The following CLASP1 variants were observed in gnomAD, a reference collection of about 807,000 sequenced individuals.
The protein encoded by CLASP1 is CLIP-associating protein 1.
A neutral mutation model predicts 192.3 loss-of-function variants in CLASP1; 38 were observed. The observed-to-expected ratio is 0.20, with a 90% confidence interval of 0.15 to 0.26. CLASP1 has a LOEUF of 0.26. Among genes scored for constraint, CLASP1 ranks in the 10% least tolerant of loss-of-function variants. The pLI is 1.00. For synonymous variants in CLASP1, 691 were observed against 712.8 expected (o/e 0.97, Z 0.49); for missense variants, 1,433 against 1,932.5 (o/e 0.74, Z 4.85).
chr2:121,638,427 A>G (rs573288956), intron 1 of CLASP1, among the ~76,000 whole-genome samples: 1 of 152,292 alleles, frequency 6.6e-6, no homozygotes, highest in East Asian at 1.9e-4. Flanking sequence ...ATTGTTCCAG[A>G]AAGTTACAAC....
intron 2 of CLASP1, among the ~76,000 whole-genome samples, chr2:121,581,946 G>A (rs1004321813): frequency 1.2e-4 from 19 of 152,062 alleles, no homozygotes; most frequent in African/African-American, 4.6e-4. Flanking sequence ...ACTTTGGGAG[G>A]CCCAGGCGGG....
chr2:121,390,979 G>A (rs993951669), intron 30 of CLASP1, among the ~76,000 whole-genome samples: 6 of 151,834 alleles, frequency 4.0e-5, no homozygotes, highest in Admixed American at 6.6e-5. Context: ...CCACTGTGTC[G>A]GCCTAATATC....
intron 34 of CLASP1, among the ~76,000 whole-genome samples, chr2:121,371,195 T>C (rs1367533827): frequency 6.6e-6 from 1 of 151,220 alleles, no homozygotes; most frequent in Non-Finnish European, 1.5e-5. Context: ...TTTGGGCACA[T>C]ATTAAGTGTG....
chr2:121,556,809 T>C (rs770504917), intron 2 of CLASP1, among the ~76,000 whole-genome samples: 1 of 152,190 alleles, frequency 6.6e-6, no homozygotes. Flanking sequence ...ATGAACAACT[T>C]CTGACATGCA....
intron 2 of CLASP1, among the ~76,000 whole-genome samples, chr2:121,538,720 G>A (rs187712850): frequency 1.3e-5 from 2 of 151,408 alleles, no homozygotes; most frequent in African/African-American, 4.8e-5. Context: ...AGGAAGCAGA[G>A]GTTGCAGTGA....
At position 121,347,009 on chromosome 2, in the gene CLASP1, C is replaced by T. The variant is rs2063535426; in HGVS notation, c.4530+29G>A. The T allele has an allele frequency of 5.2e-6, 7 of 1,357,528 alleles. 1 individual carries two copies. Among genetic ancestry groups the T allele is most frequent in the South Asian group, 2.5e-5 (2 of 78,888 alleles). 84.1% of individuals were successfully genotyped at this position (1,357,528 alleles called of 1,614,324 possible). A position where few individuals can be genotyped will look rare whatever the true frequency, so the allele number is the denominator to read the frequency against. On this transcript the variant is annotated intron_variant, in intron 39 of 39. Coordinates refer to ENST00000263710, the Ensembl canonical transcript of CLASP1. ...GACAAGCTGGCAGAGCCCAGGTGTG[C>T]GTATCAGCCCAGGTAACACTATACA...
intron 6 of CLASP1, among the ~76,000 whole-genome samples, chr2:121,518,577 T>G (rs1423542476): frequency 6.6e-6 from 1 of 152,086 alleles, no homozygotes; most frequent in Non-Finnish European, 1.5e-5. Flanking sequence ...ATTTTTACAT[T>G]GAAAATGCGG....
intron 4 of CLASP1, among the ~76,000 whole-genome samples, chr2:121,528,141 AG>A (rs1250629112): frequency 1.3e-5 from 2 of 152,358 alleles, no homozygotes; most frequent in Admixed American, 1.3e-4. Flanking sequence ...CCTGAAAGAG[AG>A]GTATAACTGT....
chr2:121,511,601 A>AG (rs1553605473), intron 7 of CLASP1, among the ~76,000 whole-genome samples: 15 of 149,778 alleles, frequency 1.0e-4, no homozygotes, highest in Admixed American at 6.6e-4. Context: ...AAAAAAAAAA[A>AG]AGAGAGAGAG....
At chr2:121,643,449 C>T (rs2072540265) in intron 1 of CLASP1, among the ~76,000 whole-genome samples, 1 of 152,166 alleles carries the variant, frequency 6.6e-6, no homozygotes, top group Admixed American at 6.5e-5. Context: ...CTAGATCAAT[C>T]AGGGTGAATT....
intron 2 of CLASP1, among the ~76,000 whole-genome samples, chr2:121,591,969 A>G (rs2062452171): frequency 6.6e-6 from 1 of 152,178 alleles, no homozygotes; most frequent in African/African-American, 2.4e-5. Context: ...AGCCATTTTC[A>G]TCTGATTTCT....
At chr2:121,425,211 A>G in exon 22 of CLASP1, 4 of 1,613,412 alleles carry the variant, frequency 2.5e-6, no homozygotes, top group Non-Finnish European at 3.4e-6. Context: ...CGCTTTTCTG[A>G]AGACGGTGTC....
intron 13 of CLASP1, among the ~76,000 whole-genome samples, chr2:121,458,256 G>A (rs996611363): frequency 1.3e-5 from 2 of 152,106 alleles, no homozygotes; most frequent in Non-Finnish European, 2.9e-5. Flanking sequence ...GCTGCCTCTG[G>A]GCAAAAATGA....
At chr2:121,429,689 T>C (rs1325159560) in intron 20 of CLASP1, among the ~76,000 whole-genome samples, 1 of 152,322 alleles carries the variant, frequency 6.6e-6, no homozygotes, top group Non-Finnish European at 1.5e-5. Flanking sequence ...TATTTACCAC[T>C]GGAAAGAACA....
At position 121,522,584 on chromosome 2, in the gene CLASP1, CTATT is replaced by C. The variant is rs572737595; in HGVS notation, c.546+3257_546+3260del. On this transcript the variant is annotated intron_variant, in intron 6 of 39. Coordinates refer to ENST00000263710, the Ensembl canonical transcript of CLASP1. ...TAAATCATTTTTAAAATTATACAAT[CTATT>C]TATGATTTATACAGCAGTAAGATGT... Among the ~76,000 whole-genome samples, 90 of 152,292 alleles carry C rather than the reference CTATT, an allele frequency of 5.9e-4. 1 individual carries two copies. The South Asian group carries it at 0.012, about 20-fold the overall frequency.
intron 2 of CLASP1, among the ~76,000 whole-genome samples, chr2:121,536,582 A>G (rs1350930264): frequency 1.3e-5 from 2 of 152,096 alleles, no homozygotes; most frequent in African/African-American, 4.8e-5. Context: ...GATATACAAA[A>G]TGGAGTCTCC....
intron 1 of CLASP1, among the ~76,000 whole-genome samples, chr2:121,639,863 CA>C (rs34338582): frequency 0.2 from 12,464 of 62,356 alleles, 536 homozygotes; most frequent in South Asian, 0.27. Context: ...AACTCCATCT[CA>C]AAAAAAAAAA....
At chr2:121,431,403 A>G (rs1365003952) in intron 19 of CLASP1, among the ~76,000 whole-genome samples, 1 of 152,174 alleles carries the variant, frequency 6.6e-6, no homozygotes, top group East Asian at 1.9e-4. Flanking sequence ...GAGAAAACCG[A>G]GAAACAGGGA....
intron 8 of CLASP1, among the ~76,000 whole-genome samples, chr2:121,475,126 A>G (rs2091440057): frequency 1.3e-5 from 2 of 152,316 alleles, no homozygotes; most frequent in African/African-American, 4.8e-5. Context: ...ATGATCTGTG[A>G]GTTAGTGAAG....
Sources: gnomAD v4.1 joint callset for allele counts (sites outside exome capture counted in the v4.1 genomes callset) on GRCh38, gnomAD v4.1.1 for gene constraint, MANE v1.5 for transcripts, NCBI Gene and HGNC (gene_info 2026-07-23, HGNC 2026-07-21) for gene names.